DERA: variants seen among roughly 807,000 people sequenced by gnomAD.
DERA encodes the protein 2-deoxy-D-ribose 5-phosphate aldolase.
In DERA, 15 loss-of-function variants were observed where a neutral mutation model predicts 41.1. That is an observed-to-expected ratio of 0.37 (90% confidence interval 0.24 to 0.56). DERA has a LOEUF of 0.56. Among genes scored for constraint, DERA ranks in the 20% least tolerant of loss-of-function variants. DERA has a pLI of 0.81. For missense variants in DERA, 396 were observed against 403.4 expected, an observed-to-expected ratio of 0.98 and a Z score of 0.16; for synonymous variants, 139 against 137.4, an observed-to-expected ratio of 1.01 and a Z score of -0.08.
Position 15,999,881 on chromosome 12 carries a change from A to G in DERA, c.637+17445A>G, listed in dbSNP as rs1948863099. 6.6e-6 allele frequency among the ~76,000 whole-genome samples: 1 copy of G among 152,184 alleles called. No homozygotes were observed. The highest frequency in any genetic ancestry group is 1.5e-5 in the Non-Finnish European group (1 of 68,028). The stretch of plus-strand genomic sequence containing the variant: ...CAATCCAGATGCTTTGTAGAAGCAG[A>G]GCAGTGATCAGATTTTCATTTTAGG... On this transcript the variant is annotated intron_variant, in intron 6 of 8. Coordinates refer to ENST00000428559, the MANE Select transcript of DERA (RefSeq NM_015954.4). The surrounding 1 kb of genome is among the most constrained non-coding windows in gnomAD (Gnocchi z 5.3).
intron 1 of DERA, among the ~76,000 whole-genome samples, chr12:15,917,658 T>A (rs986990207): frequency 2.6e-5 from 4 of 152,158 alleles, no homozygotes; most frequent in South Asian, 2.1e-4. Flanking sequence ...GATTACAAGT[T>A]TTTTACCCTT....
chr12:16,024,989 G>A (rs1278815396), intron 6 of DERA, among the ~76,000 whole-genome samples: 1 of 152,062 alleles, frequency 6.6e-6, no homozygotes, highest in East Asian at 1.9e-4. Flanking sequence ...CTATGTAGTG[G>A]TATAGTGTTA....
intron 6 of DERA, among the ~76,000 whole-genome samples, chr12:16,016,453 T>C (rs1231906433): frequency 6.6e-6 from 1 of 152,192 alleles, no homozygotes; most frequent in African/African-American, 2.4e-5. Flanking sequence ...TTGAATTAAA[T>C]AACCCTTTCT....
chr12:16,016,960 C>G (rs1267575077), intron 6 of DERA, among the ~76,000 whole-genome samples: 3 of 152,126 alleles, frequency 2.0e-5, no homozygotes, highest in Non-Finnish European at 2.9e-5. Context: ...TGGACATACT[C>G]AAGGACTTTT....
At chr12:15,955,020 C>G (rs528635414) in intron 1 of DERA, among the ~76,000 whole-genome samples, 4 of 151,964 alleles carry the variant, frequency 2.6e-5, no homozygotes, top group Admixed American at 6.5e-5. Flanking sequence ...CCTCTTAGGG[C>G]TGGGTGCAGT....
intron 1 of DERA, among the ~76,000 whole-genome samples, chr12:15,933,764 T>C (rs539507335): frequency 2.6e-5 from 4 of 152,272 alleles, no homozygotes; most frequent in East Asian, 3.9e-4. Flanking sequence ...TCAGTTAATT[T>C]CTACTAATCT....
chr12:16,022,029 A>G (rs867117435), intron 6 of DERA, among the ~76,000 whole-genome samples: 9 of 152,188 alleles, frequency 5.9e-5, no homozygotes, highest in Non-Finnish European at 8.8e-5. Context: ...AAAGGACATG[A>G]GATTTGAGAG....
intron 6 of DERA, among the ~76,000 whole-genome samples, chr12:16,029,696 AGG>A (rs1949077813): frequency 6.6e-6 from 1 of 152,040 alleles, no homozygotes; most frequent in Non-Finnish European, 1.5e-5. Context: ...ACGTCCAGAA[AGG>A]GGCATAGACA....
At chr12:16,002,553 A>G (rs1948882527) in intron 6 of DERA, among the ~76,000 whole-genome samples, 1 of 152,200 alleles carries the variant, frequency 6.6e-6, no homozygotes, top group Non-Finnish European at 1.5e-5. Flanking sequence ...AAATAATTTT[A>G]TAGTCACGTA....
rs1281317759 is a variant in DERA at position 15,993,149 on chromosome 12, A to G, written c.637+10713A>G. The stretch of plus-strand genomic sequence containing the variant: ...CCAATAAGATCAAAGTAATACAGAA[A>G]CAATGAGAGGAAGCGGAGAAATAAG... On this transcript the variant is annotated intron_variant, in intron 6 of 8. Coordinates refer to ENST00000428559, the MANE Select transcript of DERA (RefSeq NM_015954.4). This position sits in a 1 kb window ranked among gnomAD's most constrained non-coding sequence, Gnocchi z 4.4. Among the ~76,000 whole-genome samples, 1 of 152,164 alleles carries G rather than the reference A, an allele frequency of 6.6e-6. No homozygotes were observed. Among genetic ancestry groups the G allele is most frequent in the Non-Finnish European group, 1.5e-5 (1 of 68,010 alleles).
chr12:15,966,622 TC>T lies in DERA; in HGVS notation c.508+3677del, dbSNP rs1485159374. 6.6e-6 allele frequency among the ~76,000 whole-genome samples: 1 copy of T among 152,208 alleles called. No individual in the cohort carries two copies. Among genetic ancestry groups the T allele is most frequent in the African/African-American group, 2.4e-5 (1 of 41,454 alleles). On this transcript the variant is annotated intron_variant, in intron 5 of 8. Coordinates refer to ENST00000428559, the MANE Select transcript of DERA (RefSeq NM_015954.4). The surrounding 1 kb of genome is among the most constrained non-coding windows in gnomAD (Gnocchi z 5.1). ...TGCAACATATGACACAGCAGACTGT[TC>T]CTTCCTTCTGGTAATGCTTTGTTGT...
In DERA at chr12:15,990,231, C is replaced by G. The variant is rs1357071237; in HGVS notation, c.637+7795C>G. Among the ~76,000 whole-genome samples, 2 of 152,046 alleles carry G rather than the reference C, an allele frequency of 1.3e-5. No homozygotes were observed. On this transcript the variant is annotated intron_variant, in intron 6 of 8. Coordinates refer to ENST00000428559, the MANE Select transcript of DERA (RefSeq NM_015954.4). This position sits in a 1 kb window ranked among gnomAD's most constrained non-coding sequence, Gnocchi z 4.3. Reference sequence around the variant, plus strand: ...TGTAGGGGAGACAAATGACATTGAGCTGGATTTCTTTCTGTACTGATTCCA... The same window carrying G: ...TGTAGGGGAGACAAATGACATTGAGGTGGATTTCTTTCTGTACTGATTCCA...
rs1948959141 is a variant in DERA at position 16,013,355 on chromosome 12, A to G, written c.638-19187A>G. 6.6e-6 allele frequency among the ~76,000 whole-genome samples: 1 copy of G among 152,162 alleles called. No homozygotes were observed. The highest frequency in any genetic ancestry group is 2.1e-4 in the South Asian group (1 of 4,812). On this transcript the variant is annotated intron_variant, in intron 6 of 8. Transcript: ENST00000428559. This position sits in a 1 kb window ranked among gnomAD's most constrained non-coding sequence, Gnocchi z 5.8. ...TTAAAGGTGAGACCAGGTGGAGGTA[A>G]TTGAATCATGAGGGCAGTTTCCCCC...
rs1238715690 is a variant in DERA, at chr12:15,915,418, T to A, written c.31+4004T>A. ...GTGATGGTGATTTTCCACTGCAAAG[T>A]TAACGTTTAATTTTTGGAATGGATA... is the stretch of plus-strand genomic sequence containing the variant. On this transcript the variant is annotated intron_variant, in intron 1 of 8. Transcript: ENST00000428559. The surrounding 1 kb of genome is among the most constrained non-coding windows in gnomAD (Gnocchi z 4.8). Among the ~76,000 whole-genome samples, 1 of 152,154 alleles carries A rather than the reference T, an allele frequency of 6.6e-6. No individual in the cohort carries two copies. Among genetic ancestry groups the A allele is most frequent in the African/African-American group, 2.4e-5 (1 of 41,432 alleles).
rs1278562882 is a variant in DERA at position 16,008,282 on chromosome 12, C to G, written c.638-24260C>G. Reference sequence around the variant, plus strand: ...AATCCTACTACTCCGTGGCTTCTCACTTTTAGCTTTTCCTAATATTTCCTA... The same window carrying G: ...AATCCTACTACTCCGTGGCTTCTCAGTTTTAGCTTTTCCTAATATTTCCTA... On this transcript the variant is annotated intron_variant, in intron 6 of 8. Coordinates refer to ENST00000428559, the MANE Select transcript of DERA (RefSeq NM_015954.4). This position sits in a 1 kb window ranked among gnomAD's most constrained non-coding sequence, Gnocchi z 4.8. Among the ~76,000 whole-genome samples the G allele has an allele frequency of 6.6e-6, 1 of 152,246 alleles. No homozygotes were observed. Among genetic ancestry groups the G allele is most frequent in the African/African-American group, 2.4e-5 (1 of 41,466 alleles).
chr12:15,960,070 C>T lies in DERA; in HGVS notation c.373+146C>T, dbSNP rs953946848. The T allele has an allele frequency of 5.7e-5, 33 of 578,598 alleles. 1 individual carries two copies. In the Admixed American group the frequency reaches 7.1e-4, roughly 12 times the overall value. 35.8% of individuals were successfully genotyped at this position (578,598 alleles called of 1,614,324 possible). On this transcript the variant is annotated intron_variant, in intron 4 of 8. Coordinates refer to ENST00000428559, the MANE Select transcript of DERA (RefSeq NM_015954.4). The stretch of plus-strand genomic sequence containing the variant: ...TATTTATTCATGATTTTAGTATGTA[C>T]TAATTGCTTAGTAAGTGGAAGACAT...
In DERA at chr12:16,013,009, G is replaced by A. The variant is rs1948956854; in HGVS notation, c.638-19533G>A. 1.3e-5 allele frequency among the ~76,000 whole-genome samples: 2 copies of A among 152,132 alleles called. No homozygotes were observed. On this transcript the variant is annotated intron_variant, in intron 6 of 8. Transcript: ENST00000428559. This position sits in a 1 kb window ranked among gnomAD's most constrained non-coding sequence, Gnocchi z 5.8. ...AGTGCTCAGTAGCTACATATGGTGTGTAACTATCATATTGGACTATGACGT... is the reference window on the plus strand; with the variant it reads ...AGTGCTCAGTAGCTACATATGGTGTATAACTATCATATTGGACTATGACGT...
In DERA at chr12:15,984,835, A is replaced by G. The variant is rs1420447662; in HGVS notation, c.637+2399A>G. 1.3e-5 allele frequency among the ~76,000 whole-genome samples: 2 copies of G among 152,372 alleles called. No individual in the cohort carries two copies. The highest frequency in any genetic ancestry group is 4.8e-5 in the African/African-American group (2 of 41,592). ...AATAGAATTGAAGTATTCTTTGATG[A>G]ACTTGAAATATTTTGAAATATTTTT... On this transcript the variant is annotated intron_variant, in intron 6 of 8. Coordinates refer to ENST00000428559, the MANE Select transcript of DERA (RefSeq NM_015954.4). This position sits in a 1 kb window ranked among gnomAD's most constrained non-coding sequence, Gnocchi z 4.5.
chr12:15,932,931 C>A (rs528920636), intron 1 of DERA, among the ~76,000 whole-genome samples: 219 of 152,092 alleles, frequency 1.4e-3, no homozygotes, highest in African/African-American at 4.9e-3. Context: ...TTAAGTGAAC[C>A]CTTTATGTGG....
Sources: allele counts gnomAD v4.1 joint callset (sites outside exome capture counted in the v4.1 genomes callset), GRCh38; gene constraint gnomAD v4.1.1; non-coding constraint Gnocchi (gnomAD v3.1); transcripts MANE v1.5; gene names NCBI Gene and HGNC (gene_info 2026-07-23, HGNC 2026-07-21).